Variants in LCOR observed in about 807,000 individuals in gnomAD.
LCOR encodes the protein ligand-dependent corepressor.
Under a neutral mutation model 64.4 loss-of-function variants are expected in LCOR, and 14 were observed. The observed-to-expected ratio is 0.22, with a 90% CI of 0.14 to 0.34. The LOEUF (loss-of-function observed/expected upper bound fraction) is 0.34, where lower values mean the gene tolerates loss of function less well. LCOR is among the 10% of genes least tolerant of loss of function. The probability of loss-of-function intolerance (pLI) is 1.00; values close to 1 mark genes in which losing one functional copy is unlikely to be tolerated. For missense variants in LCOR, 1,686 were observed against 1,765.3 expected (o/e 0.96, Z 0.80); for synonymous variants, 643 against 642.5 (o/e 1.00, Z -0.01).
chr10:96,970,658 T>TTTTAC (rs1847992032), intron 7 of LCOR, among the ~76,000 whole-genome samples: 1 of 147,586 alleles, frequency 6.8e-6, no homozygotes, highest in African/African-American at 2.5e-5. Context: ...ATTTTATTTA[T>TTTTAC]TTTATTTTAT....
intron 7 of LCOR, among the ~76,000 whole-genome samples, chr10:96,979,686 G>A (rs1848066421): frequency 1.3e-5 from 2 of 152,172 alleles, no homozygotes; most frequent in Non-Finnish European, 2.9e-5. Flanking sequence ...TGGCTTCATA[G>A]CTATCTCCTC....
chr10:96,839,155 T>G (rs962292518), intron 2 of LCOR, among the ~76,000 whole-genome samples: 30 of 152,266 alleles, frequency 2.0e-4, no homozygotes, highest in Non-Finnish European at 3.1e-4. Context: ...GTTGGCCATT[T>G]GCATACCTTT....
In LCOR at chr10:96,949,038, C is replaced by T. The variant is rs1847632607; in HGVS notation, c.-20C>T. 1 of 1,613,218 alleles carries T rather than the reference C, an allele frequency of 6.2e-7. No homozygotes were observed. Among genetic ancestry groups the T allele is most frequent in the African/African-American group, 1.3e-5 (1 of 74,820 alleles). On this transcript the variant is annotated 5_prime_UTR_variant, in exon 6 of 8. Transcript: ENST00000421806. ...CCCTGGGTCTCCGACCCCAATATTC[C>T]CCTAGTGGCCCGTGAGATCATGCAG...
rs575225989 is a variant in LCOR at position 96,981,225 on chromosome 10, G to A, written c.765G>A (p.Ser255=). ...KDSSELPTTK[S]NSINSSSVDS... ...CCTCTGAACTTCCAACCACTAAATC[G>A]AATTCTATTAATAGCAGTTCAGTGG... is the stretch of plus-strand genomic sequence containing the variant. Residue 255 remains serine (S), a synonymous_variant, in exon 8 of 8, where the codon TCG becomes TCA. Transcript: ENST00000421806. 26 of 826,564 alleles carry A rather than the reference G, an allele frequency of 3.1e-5. No homozygotes were observed. Among genetic ancestry groups the A allele is most frequent in the African/African-American group, 1.3e-4 (8 of 59,438 alleles). The allele number at this position is 826,564 out of a possible 1,614,324, so 51.2% of individuals were successfully genotyped here. A position where few individuals can be genotyped will look rare whatever the true frequency, so the allele number is the denominator to read the frequency against.
chr10:96,952,051 A>G, intron 6 of LCOR, 52 bp from the exon 7 acceptor site: 1 of 1,324,662 alleles, frequency 7.5e-7, no homozygotes, highest in East Asian at 2.3e-5. Flanking sequence ...TATTTAGTTT[A>G]CATTTGCTCC....
intron 4 of LCOR, among the ~76,000 whole-genome samples, chr10:96,918,010 G>T (rs750219939): frequency 3.3e-4 from 50 of 152,148 alleles, no homozygotes; most frequent in Non-Finnish European, 6.3e-4. Context: ...AGACAGGGTT[G>T]TGGGAAATGA....
chr10:96,958,451 CT>C, intron 7 of LCOR: 1 of 1,136,966 alleles, frequency 8.8e-7, no homozygotes, highest in Non-Finnish European at 1.3e-6. Context: ...TGTGCCTACC[CT>C]TTAATGCTGC....
intron 7 of LCOR, chr10:96,959,216 G>T (rs1847842726): frequency 6.6e-6 from 1 of 151,964 alleles, no homozygotes; most frequent in South Asian, 2.1e-4. Context: ...ATAGAGATTG[G>T]TCTATTAGCA....
rs565142417 is a variant in LCOR at position 96,891,269 on chromosome 10, A to G, written c.-329-15996A>G. On this transcript the variant is annotated intron_variant, in intron 2 of 7. Coordinates refer to ENST00000421806, the MANE Select transcript of LCOR (RefSeq NM_001346516.2). ...TTTCTAGAGGTTTATCCATTCATCTAGATTATCTAATTTGTTGGCATACAA... is the reference window on the plus strand; with the variant it reads ...TTTCTAGAGGTTTATCCATTCATCTGGATTATCTAATTTGTTGGCATACAA... 5.3e-5 allele frequency among the ~76,000 whole-genome samples: 8 copies of G among 151,994 alleles called. No homozygotes were observed. The East Asian group carries it at 1.5e-3, about 29-fold the overall frequency.
chr10:96,855,383 T>C (rs1476769446), intron 2 of LCOR, among the ~76,000 whole-genome samples: 2 of 152,206 alleles, frequency 1.3e-5, no homozygotes, highest in Non-Finnish European at 1.5e-5. Context: ...GGGTTTTTAT[T>C]ACCTGGAACC....
At chr10:96,971,209 C>CAA (rs1232305448) in intron 7 of LCOR, among the ~76,000 whole-genome samples, 5 of 152,190 alleles carry the variant, frequency 3.3e-5, no homozygotes, top group Admixed American at 6.5e-5. Context: ...GTCTGCCCTT[C>CAA]AAAATTCCCT....
At chr10:96,844,117 C>T (rs1385918604) in intron 2 of LCOR, among the ~76,000 whole-genome samples, 4 of 103,826 alleles carry the variant, frequency 3.9e-5, no homozygotes, top group Non-Finnish European at 5.6e-5. Context: ...TCCTTCCCCC[C>T]TCCCTCCCTT....
chr10:96,877,215 G>A (rs1057133155), intron 2 of LCOR, among the ~76,000 whole-genome samples: 4 of 152,056 alleles, frequency 2.6e-5, no homozygotes, highest in Admixed American at 6.6e-5. Context: ...CAAAAATCCA[G>A]GAGTTCATAA....
At chr10:96,942,318 CTGCAATCGCA>C (rs1847504057) in intron 4 of LCOR, among the ~76,000 whole-genome samples, 1 of 152,026 alleles carries the variant, frequency 6.6e-6, no homozygotes, top group African/African-American at 2.4e-5. Flanking sequence ...CGGCGCGCGC[CTGCAATCGCA>C]GGCACTCGGC....
intron 2 of LCOR, among the ~76,000 whole-genome samples, chr10:96,890,298 G>C (rs1477967579): frequency 6.6e-6 from 1 of 152,026 alleles, no homozygotes; most frequent in Admixed American, 6.6e-5. Context: ...TGTGCAGGCT[G>C]ATTTCAAACT....
intron 2 of LCOR, among the ~76,000 whole-genome samples, chr10:96,877,093 G>T (rs1418231493): frequency 6.6e-6 from 1 of 152,150 alleles, no homozygotes; most frequent in Non-Finnish European, 1.5e-5. Flanking sequence ...TATTGGCTAA[G>T]TTGAGGCATC....
chr10:96,935,788 T>C (rs997510080), intron 4 of LCOR, among the ~76,000 whole-genome samples: 1 of 152,238 alleles, frequency 6.6e-6, no homozygotes, highest in African/African-American at 2.4e-5. Context: ...TGAGCTGTGA[T>C]TGTGCCACTG....
chr10:96,884,975 A>G (rs111662647), intron 2 of LCOR, among the ~76,000 whole-genome samples: 15 of 152,260 alleles, frequency 9.9e-5, no homozygotes, highest in African/African-American at 3.6e-4. Flanking sequence ...GGGAGTGGGT[A>G]TACGTGTGCA....
chr10:96,980,836 T>G lies in LCOR; in HGVS notation c.376T>G (p.Ser126Ala), dbSNP rs555180297. The change falls in exon 8 of 8, where the codon TCG (serine) becomes GCG (alanine). Residue 126 changes from serine to alanine, a missense_variant. Physicochemically the swap from Ser to Ala is moderately conservative, Grantham distance 99. Transcript: ENST00000421806. ...EAKAVDSNNQ[S>A]KSPLEKFMVK... Reference sequence around the variant, plus strand: ...AAAAGCAGTAGATTCTAACAATCAGTCGAAGTCCCCACTGGAGAAATTTAT... The same window carrying G: ...AAAAGCAGTAGATTCTAACAATCAGGCGAAGTCCCCACTGGAGAAATTTAT... The G allele has an allele frequency of 1.4e-6, 1 of 702,992 alleles. No individual in the cohort carries two copies. The highest frequency in any genetic ancestry group is 2.6e-6 in the Non-Finnish European group (1 of 384,994). 43.5% of individuals were successfully genotyped at this position (702,992 alleles called of 1,614,324 possible).
Sources: gnomAD v4.1 joint callset for allele counts (sites outside exome capture counted in the v4.1 genomes callset) on GRCh38, gnomAD v4.1.1 for gene constraint, MANE v1.5 for transcripts, NCBI Gene and HGNC (gene_info 2026-07-23, HGNC 2026-07-21) for gene names.